The following MATCAP2 variants were observed in gnomAD, a reference collection of about 807,000 sequenced individuals.
MATCAP2 encodes putative tyrosine carboxypeptidase MATCAP2.
At chr7:36,343,021 A>G in the MATCAP2 span, among the ~76,000 whole-genome samples, 3 of 152,126 alleles carry the variant, frequency 2.0e-5, 1 homozygote, top group East Asian at 1.9e-4. Flanking sequence ...TTAAATGAAG[A>G]ACATACCTCT....
the MATCAP2 span, among the ~76,000 whole-genome samples, chr7:36,376,003 C>T: frequency 2.5e-4 from 38 of 152,130 alleles, no homozygotes; most frequent in Admixed American, 1.1e-3. Flanking sequence ...GTCTTGCTAG[C>T]GGTTTATCAA....
chr7:36,335,154 G>A, the MATCAP2 span: 1 of 1,613,916 alleles, frequency 6.2e-7, no homozygotes, highest in Non-Finnish European at 8.5e-7. Flanking sequence ...CGGGAAAGCA[G>A]GTCCTCAGTG....
At chr7:36,343,261 T>C in the MATCAP2 span, among the ~76,000 whole-genome samples, 8 of 142,962 alleles carry the variant, frequency 5.6e-5, no homozygotes, top group Admixed American at 3.6e-4. Context: ...GAAGCCAAGG[T>C]AGGAGGACCA....
the MATCAP2 span, chr7:36,324,845 A>C: frequency 6.6e-6 from 1 of 152,312 alleles, no homozygotes; most frequent in South Asian, 2.1e-4. Context: ...CAAAGAGAAA[A>C]TTTCATCCAT....
At chr7:36,386,447 A>ATGTGTG in the MATCAP2 span, among the ~76,000 whole-genome samples, 8,236 of 148,384 alleles carry the variant, frequency 0.056, 478 homozygotes, top group African/African-American at 0.15. Flanking sequence ...GTATGTGTGT[A>ATGTGTG]TGTGTGTGTG....
At chr7:36,370,237 G>A in the MATCAP2 span, among the ~76,000 whole-genome samples, 3 of 152,154 alleles carry the variant, frequency 2.0e-5, no homozygotes, top group East Asian at 1.9e-4. Flanking sequence ...TGTTTCCATT[G>A]GGTTCAGCAT....
At chr7:36,338,205 G>C in the MATCAP2 span, among the ~76,000 whole-genome samples, 14 of 152,136 alleles carry the variant, frequency 9.2e-5, no homozygotes, top group Non-Finnish European at 1.8e-4. Context: ...TGCATCTGTT[G>C]AATCTCTATA....
At chr7:36,350,903 G>C in the MATCAP2 span, among the ~76,000 whole-genome samples, 1 of 152,076 alleles carries the variant, frequency 6.6e-6, no homozygotes, top group African/African-American at 2.4e-5. Context: ...CCAAACTGTG[G>C]CTCAAACAAA....
the MATCAP2 span, among the ~76,000 whole-genome samples, chr7:36,359,859 C>T: frequency 6.6e-6 from 1 of 152,134 alleles, no homozygotes; most frequent in Non-Finnish European, 1.5e-5. Context: ...GGAATAATGT[C>T]GGTTTCCCTC....
the MATCAP2 span, chr7:36,335,168 T>C: frequency 1.2e-6 from 2 of 1,613,842 alleles, no homozygotes; most frequent in South Asian, 2.2e-5. Flanking sequence ...CTCAGTGAGA[T>C]GAACTACAAT....
At chr7:36,330,998 A>G in the MATCAP2 span, 1 of 1,611,338 alleles carries the variant, frequency 6.2e-7, no homozygotes, top group Non-Finnish European at 8.5e-7. Context: ...GAGAGCAGTC[A>G]GCAGATGGAA....
chr7:36,358,466 CGTTAAG>C, the MATCAP2 span, among the ~76,000 whole-genome samples: 7 of 151,892 alleles, frequency 4.6e-5, no homozygotes, highest in African/African-American at 1.7e-4. Flanking sequence ...CTAAGCTGTA[CGTTAAG>C]GTTAAAGAAA....
the MATCAP2 span, chr7:36,325,863 T>G: frequency 6.6e-6 from 1 of 151,962 alleles, no homozygotes; most frequent in African/African-American, 2.4e-5. Flanking sequence ...TTTCAGAGCA[T>G]GGTCAAGTTT....
At chr7:36,333,477 T>C in the MATCAP2 span, among the ~76,000 whole-genome samples, 2,004 of 152,242 alleles carry the variant, frequency 0.013, 49 homozygotes, top group African/African-American at 0.045. Flanking sequence ...TAAAAATCAC[T>C]GAACTCTACA....
At chr7:36,341,481 GC>G in the MATCAP2 span, among the ~76,000 whole-genome samples, 1 of 152,112 alleles carries the variant, frequency 6.6e-6, no homozygotes, top group African/African-American at 2.4e-5. Context: ...GAATATTTAT[GC>G]CCCACCCACA....
At chr7:36,329,038 C>T in the MATCAP2 span, among the ~76,000 whole-genome samples, 1 of 151,304 alleles carries the variant, frequency 6.6e-6, no homozygotes, top group Non-Finnish European at 1.5e-5. Context: ...GCAAAAACTC[C>T]GTATCAAAAA....
chr7:36,358,486 A>G, the MATCAP2 span, among the ~76,000 whole-genome samples: 3 of 152,224 alleles, frequency 2.0e-5, no homozygotes, highest in Non-Finnish European at 2.9e-5. Context: ...AAAGAAAAAC[A>G]AGGGTTTTTT....
the MATCAP2 span, chr7:36,390,208 G>A: frequency 3.6e-6 from 4 of 1,120,554 alleles, no homozygotes; most frequent in Non-Finnish European, 5.1e-6. Context: ...GCCTGCTGTG[G>A]TTGGTGGGTT....
chr7:36,371,822 G>A, the MATCAP2 span, among the ~76,000 whole-genome samples: 1 of 151,820 alleles, frequency 6.6e-6, no homozygotes, highest in Non-Finnish European at 1.5e-5. Context: ...GTGCAGTGGC[G>A]CGATCATAAC....
Sources: gnomAD v4.1 joint callset for allele counts (sites outside exome capture counted in the v4.1 genomes callset) on GRCh38, gnomAD v4.1.1 for gene constraint, MANE v1.5 for transcripts, NCBI Gene and HGNC (gene_info 2026-07-23, HGNC 2026-07-21) for gene names.